Variants in FAM135B observed in about 807,000 individuals in gnomAD.
The protein encoded by FAM135B is family with sequence similarity 135 member B, also known as protein FAM135B.
Under a neutral mutation model 127.7 loss-of-function variants are expected in FAM135B, and 43 were observed. That is an observed-to-expected ratio of 0.34 (90% CI 0.26 to 0.43). The LOEUF (loss-of-function observed/expected upper bound fraction) is 0.43. FAM135B is among the 20% of genes least tolerant of loss of function. FAM135B has a pLI of 1.00. For synonymous variants in FAM135B, 670 were observed against 665.1 expected (o/e 1.01, Z -0.11); for missense variants, 1,558 against 1,725.6 (o/e 0.90, Z 1.72).
At position 138,164,511 on chromosome 8, in the gene FAM135B, C is replaced by T. The variant is rs140608969; in HGVS notation, c.1258+3384G>A. ...CTAAAGGGAAAAGCCAAGCTGGGAA[C>T]TGCTTAAGGCAAACCTGCCTCCCAT... On this transcript the variant is annotated intron_variant, in intron 12 of 19. Coordinates refer to ENST00000395297, the MANE Select transcript of FAM135B (RefSeq NM_015912.4). Among the ~76,000 whole-genome samples, 518 of 152,336 alleles carry T rather than the reference C, an allele frequency of 3.4e-3. 1 individual carries two copies. Among genetic ancestry groups the T allele is most frequent in the African/African-American group, 0.012 (498 of 41,584 alleles).
rs1820759861 is a variant in FAM135B at position 138,241,400 on chromosome 8, C to G, written c.669+1542G>C. Among the ~76,000 whole-genome samples the G allele has an allele frequency of 6.6e-6, 1 of 152,134 alleles. No individual in the cohort carries two copies. Among genetic ancestry groups the G allele is most frequent in the African/African-American group, 2.4e-5 (1 of 41,416 alleles). On this transcript the variant is annotated intron_variant, in intron 7 of 19. Transcript: ENST00000395297. The surrounding 1 kb of genome is among the most constrained non-coding windows in gnomAD (Gnocchi z 4.8). ...TCTGCTCCTTCCATGGCACAGAACCCCATTCTGGCTTCAGGTCCCCTCAGC... is the reference window on the plus strand; with the variant it reads ...TCTGCTCCTTCCATGGCACAGAACCGCATTCTGGCTTCAGGTCCCCTCAGC...
intron 2 of FAM135B, among the ~76,000 whole-genome samples, chr8:138,327,848 G>C (rs759812303): frequency 6.0e-4 from 91 of 152,172 alleles, no homozygotes; most frequent in Non-Finnish European, 1.2e-4. Context: ...GCCTTTAGTA[G>C]AAGACAGGAG....
At chr8:138,140,069 G>T (rs1021463676) in intron 17 of FAM135B, among the ~76,000 whole-genome samples, 12 of 152,152 alleles carry the variant, frequency 7.9e-5, no homozygotes, top group Non-Finnish European at 1.6e-4. Context: ...TTATAACTGT[G>T]GGGGAAAAAT....
intron 4 of FAM135B, among the ~76,000 whole-genome samples, chr8:138,259,232 A>T (rs575683533): frequency 1.3e-5 from 2 of 152,086 alleles, no homozygotes; most frequent in East Asian, 3.9e-4. Flanking sequence ...CTTGGTTTCA[A>T]CTCATAATGG....
At chr8:138,175,604 C>G (rs1237316939) in intron 11 of FAM135B, among the ~76,000 whole-genome samples, 1 of 152,216 alleles carries the variant, frequency 6.6e-6, no homozygotes, top group East Asian at 1.9e-4. Context: ...TAGCTTGAAA[C>G]TGGCCATTGT....
chr8:138,443,732 T>C (rs903907437), intron 1 of FAM135B, among the ~76,000 whole-genome samples: 7 of 152,170 alleles, frequency 4.6e-5, no homozygotes, highest in African/African-American at 9.7e-5. Context: ...AAATATACTT[T>C]ATGTCAGGTA....
At chr8:138,249,482 G>A (rs531067418) in intron 6 of FAM135B, among the ~76,000 whole-genome samples, 1 of 152,286 alleles carries the variant, frequency 6.6e-6, no homozygotes, top group South Asian at 2.1e-4. Flanking sequence ...ATAGTAGAAT[G>A]TACTGCATAT....
chr8:138,371,995 T>C (rs912305559), intron 1 of FAM135B, among the ~76,000 whole-genome samples: 2 of 152,058 alleles, frequency 1.3e-5, no homozygotes, highest in African/African-American at 4.8e-5. Context: ...GAAAGGGTGA[T>C]CCAGTGACAA....
In FAM135B at chr8:138,132,605, G is replaced by C. The variant is rs2130481100; in HGVS notation, c.4209C>G (p.Asn1403Lys). Residue 1403 changes from asparagine (N) to lysine (K), a missense_variant, in exon 20 of 20, where the codon AAC becomes AAG. Transcript: ENST00000395297. This position sits in a 1 kb window ranked among gnomAD's most constrained non-coding sequence, Gnocchi z 4.5. ...TCCCTCAAAGCCACTACTTGAAGTA[G>C]TTGAGTCCTGCCACCAAGAAAAACT... ...LEKFFLVAGL[N>K]YFK The C allele has an allele frequency of 6.2e-7, 1 of 1,614,046 alleles. No individual in the cohort carries two copies. The highest frequency in any genetic ancestry group is 8.5e-7 in the Non-Finnish European group (1 of 1,179,912).
chr8:138,357,216 T>C (rs566720412), intron 2 of FAM135B, among the ~76,000 whole-genome samples: 4 of 152,266 alleles, frequency 2.6e-5, no homozygotes, highest in East Asian at 1.9e-4. Context: ...TAGCAACATG[T>C]TTTTCCCCCA....
At chr8:138,227,489 T>C (rs796935169) in intron 7 of FAM135B, among the ~76,000 whole-genome samples, 5 of 152,328 alleles carry the variant, frequency 3.3e-5, no homozygotes, top group African/African-American at 1.2e-4. Context: ...CTCCTACGTT[T>C]GGCATGCTAT....
At chr8:138,407,028 C>T (rs1463668164) in intron 1 of FAM135B, among the ~76,000 whole-genome samples, 2 of 150,804 alleles carry the variant, frequency 1.3e-5, no homozygotes, top group Admixed American at 6.6e-5. Flanking sequence ...AGCCCAAAAT[C>T]TCCTTAAGCT....
chr8:138,240,316 G>C (rs1255264190), intron 7 of FAM135B, among the ~76,000 whole-genome samples: 2 of 152,130 alleles, frequency 1.3e-5, no homozygotes, highest in African/African-American at 4.8e-5. Context: ...ATTTGTAACA[G>C]AGTCTGGTGG....
intron 1 of FAM135B, among the ~76,000 whole-genome samples, chr8:138,454,011 C>T (rs1836638619): frequency 6.6e-6 from 1 of 151,902 alleles, no homozygotes; most frequent in Non-Finnish European, 1.5e-5. Flanking sequence ...TATAGATGGT[C>T]GAGCTATGCG....
At chr8:138,441,637 C>T (rs562912352) in intron 1 of FAM135B, 9 of 152,170 alleles carry the variant, frequency 5.9e-5, no homozygotes, top group African/African-American at 2.2e-4. Context: ...AGATTTCACT[C>T]ACTACCTGAA....
chr8:138,160,997 A>G lies in FAM135B; in HGVS notation c.1258+6898T>C, dbSNP rs80003951. On this transcript the variant is annotated intron_variant, in intron 12 of 19. Transcript: ENST00000395297. ...GCGATGAGACCTTGGACAACTATGG[A>G]ACTTAGATAAGCTATTATCCTATTA... Among the ~76,000 whole-genome samples the G allele has an allele frequency of 3.5e-3, 528 of 152,294 alleles. 5 individuals carry two copies. Among genetic ancestry groups the G allele is most frequent in the African/African-American group, 0.012 (497 of 41,568 alleles).
At chr8:138,153,306 T>C in intron 12 of FAM135B, 90 bp from the exon 13 acceptor site, 1 of 1,120,074 alleles carries the variant, frequency 8.9e-7, no homozygotes, top group Non-Finnish European at 1.2e-6. Context: ...ATAAAGAATT[T>C]AGCTATGTGG....
At chr8:138,227,563 T>C (rs969678678) in intron 7 of FAM135B, among the ~76,000 whole-genome samples, 3 of 152,164 alleles carry the variant, frequency 2.0e-5, no homozygotes, top group Non-Finnish European at 4.4e-5. Flanking sequence ...ATAACTGACA[T>C]ACAAAAACTG....
At chr8:138,427,935 C>G (rs1331851812) in intron 1 of FAM135B, among the ~76,000 whole-genome samples, 2 of 152,128 alleles carry the variant, frequency 1.3e-5, no homozygotes, top group Non-Finnish European at 2.9e-5. Flanking sequence ...TCTCAGAATT[C>G]TCATCCACCA....
Sources: gnomAD v4.1 joint callset for allele counts (sites outside exome capture counted in the v4.1 genomes callset) on GRCh38, gnomAD v4.1.1 for gene constraint, Gnocchi (gnomAD v3.1) non-coding constraint, MANE v1.5 for transcripts, NCBI Gene and HGNC (gene_info 2026-07-23, HGNC 2026-07-21) for gene names.